Variants in UGT1A7 observed in about 807,000 individuals in gnomAD.
UGT1A7 encodes UDP-glucuronosyltransferase 1A7.
Under a neutral mutation model 45.6 loss-of-function variants are expected in UGT1A7, and 33 were observed. The ratio of observed to expected loss-of-function variants is 0.72; its 90% CI spans 0.55 to 0.97. UGT1A7 has a LOEUF of 0.97. UGT1A7 is among the 50% of genes least tolerant of loss of function. The pLI, the probability that UGT1A7 is intolerant of heterozygous loss-of-function variation, is 0.00. For synonymous variants in UGT1A7, 274 were observed against 250.6 expected (o/e 1.09, Z -0.88); for missense variants, 684 against 666.2 (o/e 1.03, Z -0.29).
intron 1 of UGT1A7, chr2:233,754,464 GA>G (rs1321314205): frequency 8.4e-6 from 3 of 356,342 alleles, no homozygotes; most frequent in African/African-American, 2.1e-5. Context: ...CAGCTGTTCT[GA>G]AAGTAAAGTT....
chr2:233,728,931 T>C (rs569892277), intron 1 of UGT1A7, among the ~76,000 whole-genome samples: 4,920 of 152,288 alleles, frequency 0.032, 257 homozygotes, highest in African/African-American at 0.11. Flanking sequence ...TCATGATCGG[T>C]CTTTTCCAGG....
chr2:233,766,617 A>C lies in UGT1A7; in HGVS notation c.856-417A>C, dbSNP rs34737611. Reference sequence around the variant, plus strand: ...CCAGGGACCACACCCTCTTCTACCCAGCACTTCCCTTCCCTACTTCCATAT... The same window carrying C: ...CCAGGGACCACACCCTCTTCTACCCCGCACTTCCCTTCCCTACTTCCATAT... On this transcript the variant is annotated intron_variant, in intron 1 of 4. Transcript: ENST00000373426. Among the ~76,000 whole-genome samples, 23 of 152,284 alleles carry C rather than the reference A, an allele frequency of 1.5e-4. No individual in the cohort carries two copies. In the East Asian group the frequency reaches 4.3e-3, roughly 28 times the overall value.
rs753963758 is a variant in UGT1A7 at position 233,707,538 on chromosome 2, C to CT, written c.855+24760dup. 8.4e-3 allele frequency among the ~76,000 whole-genome samples: 1,063 copies of CT among 126,950 alleles called. 7 individuals carry two copies. The highest frequency in any genetic ancestry group is 0.021 in the African/African-American group (741 of 34,780). The allele number at this position is 126,950 out of a possible 152,430, so 83.3% of individuals were successfully genotyped here. A position where few individuals can be genotyped will look rare whatever the true frequency, so the allele number is the denominator to read the frequency against. ...ATTTTACTGTTTTTCTTTGTCTTGC[C>CT]TTTTTTTTTTTTTTGGTTCAACCTT... On this transcript the variant is annotated intron_variant, in intron 1 of 4. Transcript: ENST00000373426.
intron 1 of UGT1A7, chr2:233,755,246 CAGCACCTCGTAGT>C (rs1394904352): frequency 2.4e-6 from 2 of 850,962 alleles, no homozygotes; most frequent in Non-Finnish European, 3.5e-6. Flanking sequence ...GGGGTACTCC[CAGCACCTCGTAGT>C]AGTCCACTAT....
chr2:233,690,006 C>T (rs368149285), intron 1 of UGT1A7: 1 of 443,134 alleles, frequency 2.3e-6, no homozygotes, highest in African/African-American at 2.0e-5. Flanking sequence ...CTTCATCTCA[C>T]CATTTTGGAC....
chr2:233,695,902 G>T (rs184289698), intron 1 of UGT1A7, among the ~76,000 whole-genome samples: 229 of 151,998 alleles, frequency 1.5e-3, no homozygotes, highest in African/African-American at 4.9e-3. Context: ...AATGTGTGGG[G>T]TTTTTTTTCT....
At chr2:233,698,153 T>G (rs1447834523) in intron 1 of UGT1A7, among the ~76,000 whole-genome samples, 1 of 152,204 alleles carries the variant, frequency 6.6e-6, no homozygotes, top group Non-Finnish European at 1.5e-5. Context: ...ATTCCCAGCA[T>G]GTCGTCCTAG....
At chr2:233,752,137 C>T (rs1694900584) in intron 1 of UGT1A7, among the ~76,000 whole-genome samples, 1 of 152,200 alleles carries the variant, frequency 6.6e-6, no homozygotes, top group Non-Finnish European at 1.5e-5. Flanking sequence ...CAGAAAGGAT[C>T]ATTCCCTCTT....
chr2:233,747,281 A>G, intron 1 of UGT1A7: 1 of 1,599,850 alleles, frequency 6.3e-7, no homozygotes, highest in Non-Finnish European at 8.5e-7. Context: ...CTCAGTGCCC[A>G]GCCCTGGGCT....
At chr2:233,693,856 C>G (rs1229039578) in intron 1 of UGT1A7, 10 of 1,614,076 alleles carry the variant, frequency 6.2e-6, no homozygotes, top group African/African-American at 1.3e-5. Context: ...AGAGGAAAGA[C>G]TTGTCTCAGG....
At position 233,769,031 on chromosome 2, in the gene UGT1A7, T is replaced by A. The variant is rs1307617494; in HGVS notation, c.1295+592T>A. ...CAATTTACATAAAAAGTTGCCATAA[T>A]AGACATCTGATCCATAAGTTTCCTG... On this transcript the variant is annotated intron_variant, in intron 4 of 4. Transcript: ENST00000373426. The surrounding 1 kb of genome is among the most constrained non-coding windows in gnomAD (Gnocchi z 4.4). 6.6e-6 allele frequency among the ~76,000 whole-genome samples: 1 copy of A among 152,206 alleles called. No individual in the cohort carries two copies. The highest frequency in any genetic ancestry group is 1.5e-5 in the Non-Finnish European group (1 of 68,040).
At chr2:233,696,598 T>C (rs562696652) in intron 1 of UGT1A7, among the ~76,000 whole-genome samples, 1 of 140,456 alleles carries the variant, frequency 7.1e-6, no homozygotes, top group East Asian at 2.0e-4. Flanking sequence ...CTTTCCAACT[T>C]GGATGCCCTT....
intron 1 of UGT1A7, among the ~76,000 whole-genome samples, chr2:233,745,694 GAAC>G (rs1198123453): frequency 1.3e-5 from 2 of 150,076 alleles, no homozygotes; most frequent in African/African-American, 2.5e-5. Flanking sequence ...CAAGTTTGGA[GAAC>G]AACAAGTGAT....
intron 1 of UGT1A7, chr2:233,691,515 G>A: frequency 3.0e-6 from 3 of 985,716 alleles, no homozygotes; most frequent in Non-Finnish European, 2.4e-6. Context: ...TGCCAGCCAG[G>A]TGTGCATGAC....
chr2:233,765,740 C>T (rs951696953), intron 1 of UGT1A7, among the ~76,000 whole-genome samples: 1 of 147,868 alleles, frequency 6.8e-6, no homozygotes, highest in African/African-American at 2.5e-5. Context: ...TAAATAAACC[C>T]ATAAAGCCAT....
chr2:233,689,795 T>C (rs1559343823), intron 1 of UGT1A7: 2 of 430,076 alleles, frequency 4.7e-6, no homozygotes, highest in Non-Finnish European at 9.2e-6. Context: ...ATGTGATCTG[T>C]AGTTTCTATA....
intron 1 of UGT1A7, among the ~76,000 whole-genome samples, chr2:233,762,329 A>G (rs1333390558): frequency 6.6e-6 from 1 of 152,248 alleles, no homozygotes; most frequent in Non-Finnish European, 1.5e-5. Flanking sequence ...GTAATCCACA[A>G]TAGCTCTTTT....
At chr2:233,692,791 C>A in intron 1 of UGT1A7, 1 of 1,367,752 alleles carries the variant, frequency 7.3e-7, no homozygotes, top group Non-Finnish European at 9.4e-7. Flanking sequence ...CAGGTGAAAG[C>A]TGACACGGCC....
intron 1 of UGT1A7, among the ~76,000 whole-genome samples, chr2:233,724,182 C>A (rs1411199563): frequency 3.3e-5 from 4 of 119,646 alleles, no homozygotes; most frequent in African/African-American, 7.6e-5. Flanking sequence ...ATCTCCCTCC[C>A]GGACGGGGTG....
Sources: allele counts gnomAD v4.1 joint callset (sites outside exome capture counted in the v4.1 genomes callset), GRCh38; gene constraint gnomAD v4.1.1; non-coding constraint Gnocchi (gnomAD v3.1); transcripts MANE v1.5; gene names NCBI Gene and HGNC (gene_info 2026-07-23, HGNC 2026-07-21).